The following ROBO2 variants were observed in gnomAD, a reference collection of about 807,000 sequenced individuals.
ROBO2 encodes the protein roundabout guidance receptor 2.
Under a neutral mutation model 160.8 loss-of-function variants are expected in ROBO2, and 53 were observed. The ratio of observed to expected loss-of-function variants is 0.33; its 90% CI spans 0.26 to 0.41. The LOEUF (loss-of-function observed/expected upper bound fraction) is 0.41. ROBO2 is among the 10% of genes least tolerant of loss of function. ROBO2 has a pLI of 1.00. For synonymous variants in ROBO2, 664 were observed against 611.7 expected (o/e 1.09, Z -1.26); for missense variants, 1,577 against 1,722.4 (o/e 0.92, Z 1.49).
chr3:77,129,557 C>T (rs1360107559), intron 2 of ROBO2, among the ~76,000 whole-genome samples: 6 of 152,118 alleles, frequency 3.9e-5, no homozygotes, highest in Non-Finnish European at 5.9e-5. Flanking sequence ...AAGTGATAGT[C>T]GGTTGGCGAG....
intron 2 of ROBO2, among the ~76,000 whole-genome samples, chr3:76,065,243 C>T (rs777320805): frequency 6.6e-6 from 1 of 152,076 alleles, no homozygotes; most frequent in Non-Finnish European, 1.5e-5. Flanking sequence ...ATTGTGGTTG[C>T]TTGTCCTACA....
chr3:77,199,575 C>A (rs1042669098), intron 2 of ROBO2, among the ~76,000 whole-genome samples: 1 of 150,904 alleles, frequency 6.6e-6, no homozygotes, highest in Non-Finnish European at 1.5e-5. Flanking sequence ...TCATAGCGGA[C>A]ACTCAGTGAC....
At chr3:76,624,128 G>A (rs1009090959) in intron 2 of ROBO2, among the ~76,000 whole-genome samples, 1 of 151,942 alleles carries the variant, frequency 6.6e-6, no homozygotes, top group Non-Finnish European at 1.5e-5. Flanking sequence ...AATTGTGTAA[G>A]AATTAACTGC....
intron 2 of ROBO2, among the ~76,000 whole-genome samples, chr3:77,472,813 C>G (rs190279873): frequency 6.6e-6 from 1 of 152,020 alleles, no homozygotes; most frequent in Non-Finnish European, 1.5e-5. Flanking sequence ...AAGCTGTTAT[C>G]TGAAAGATGA....
chr3:77,165,861 C>T (rs1179320406), intron 2 of ROBO2, among the ~76,000 whole-genome samples: 2 of 152,076 alleles, frequency 1.3e-5, no homozygotes, highest in East Asian at 1.9e-4. Flanking sequence ...TCTTTTATCC[C>T]CAACTTTTCT....
chr3:77,287,413 T>G (rs543019535), intron 2 of ROBO2, among the ~76,000 whole-genome samples: 1 of 146,240 alleles, frequency 6.8e-6, no homozygotes, highest in South Asian at 2.2e-4. Flanking sequence ...TCAAAATGTT[T>G]TGTAATACAA....
chr3:76,035,923 C>A (rs530144346), intron 2 of ROBO2, among the ~76,000 whole-genome samples: 20 of 152,082 alleles, frequency 1.3e-4, no homozygotes, highest in African/African-American at 4.3e-4. Context: ...CATGGAAAAA[C>A]GCAAGACCCT....
At chr3:77,553,801 G>C (rs1297170321) in intron 8 of ROBO2, among the ~76,000 whole-genome samples, 1 of 151,872 alleles carries the variant, frequency 6.6e-6, no homozygotes, top group Non-Finnish European at 1.5e-5. Flanking sequence ...GAAGCTACCA[G>C]GGGTTGGTTG....
Position 76,648,657 on chromosome 3 carries a change from CATAA to C in ROBO2, c.110-449349_110-449346del. ...CAAAACTTTCAGAGAATAAGTAAAT[CATAA>C]ATAAATAGATATATGAGGTCAGGTA... is the stretch of plus-strand genomic sequence containing the variant. On this transcript the variant is annotated intron_variant, in intron 2 of 26. Transcript: ENST00000487694. 1.3e-5 allele frequency among the ~76,000 whole-genome samples: 2 copies of C among 151,888 alleles called. 1 individual carries two copies. The highest frequency in any genetic ancestry group is 2.9e-5 in the Non-Finnish European group (2 of 67,930).
At position 77,476,225 on chromosome 3, in the gene ROBO2, G is replaced by A. The variant is rs150606942; in HGVS notation, c.389-1189G>A. Among the ~76,000 whole-genome samples, 4 of 152,294 alleles carry A rather than the reference G, an allele frequency of 2.6e-5. No individual in the cohort carries two copies. In the East Asian group the frequency reaches 7.7e-4, roughly 30 times the overall value. On this transcript the variant is annotated intron_variant, in intron 2 of 25. Coordinates refer to ENST00000461745, the Ensembl canonical transcript of ROBO2. Reference sequence around the variant, plus strand: ...ACTTGGCACAACAAAGAAGCAGAGTGCTGAAGTGGGTCTCATTATAGGACA... The same window carrying A: ...ACTTGGCACAACAAAGAAGCAGAGTACTGAAGTGGGTCTCATTATAGGACA...
intron 2 of ROBO2, among the ~76,000 whole-genome samples, chr3:77,158,436 C>A (rs1206942614): frequency 6.6e-6 from 1 of 152,060 alleles, no homozygotes; most frequent in Non-Finnish European, 1.5e-5. Context: ...TAAGTTAATA[C>A]ATGTAACTGG....
At chr3:77,332,894 G>A (rs2066121411) in intron 2 of ROBO2, among the ~76,000 whole-genome samples, 1 of 152,160 alleles carries the variant, frequency 6.6e-6, no homozygotes, top group Non-Finnish European at 1.5e-5. Context: ...AAAACAGAGA[G>A]CGCTAGAGCG....
At chr3:76,180,396 C>A (rs917473733) in intron 2 of ROBO2, among the ~76,000 whole-genome samples, 1 of 152,256 alleles carries the variant, frequency 6.6e-6, no homozygotes, top group South Asian at 2.1e-4. Context: ...TGACACCAAC[C>A]AAAGGAGTCT....
intron 2 of ROBO2, among the ~76,000 whole-genome samples, chr3:76,528,601 T>C (rs2082065625): frequency 6.6e-6 from 1 of 151,912 alleles, no homozygotes. Flanking sequence ...TTGTTAAAGG[T>C]AAGACACCTA....
chr3:77,359,458 C>G (rs919456475), intron 2 of ROBO2, among the ~76,000 whole-genome samples: 3 of 152,070 alleles, frequency 2.0e-5, no homozygotes, highest in Admixed American at 2.0e-4. Context: ...AAACATTTAC[C>G]TGTGCTGATT....
chr3:77,163,925 T>C (rs764650392), intron 2 of ROBO2, among the ~76,000 whole-genome samples: 2 of 152,224 alleles, frequency 1.3e-5, no homozygotes, highest in Non-Finnish European at 2.9e-5. Flanking sequence ...AATTGATATA[T>C]TCATATACAC....
At chr3:77,001,533 A>G (rs2061335760) in intron 2 of ROBO2, among the ~76,000 whole-genome samples, 1 of 152,134 alleles carries the variant, frequency 6.6e-6, no homozygotes, top group African/African-American at 2.4e-5. Context: ...CCAACACATG[A>G]ACAGGGGGGT....
At chr3:76,494,353 A>G (rs1050728671) in intron 2 of ROBO2, among the ~76,000 whole-genome samples, 1 of 152,224 alleles carries the variant, frequency 6.6e-6, no homozygotes, top group African/African-American at 2.4e-5. Flanking sequence ...TACACGTTTT[A>G]CATGACACAG....
At chr3:76,952,911 G>A (rs1011386283) in intron 2 of ROBO2, among the ~76,000 whole-genome samples, 5 of 152,140 alleles carry the variant, frequency 3.3e-5, no homozygotes, top group African/African-American at 1.2e-4. Flanking sequence ...CCAAGTGGGA[G>A]TTTGTAAGTC....
Sources: allele counts gnomAD v4.1 joint callset (sites outside exome capture counted in the v4.1 genomes callset), GRCh38; gene constraint gnomAD v4.1.1; transcripts MANE v1.5; gene names NCBI Gene and HGNC (gene_info 2026-07-23, HGNC 2026-07-21).